Variants in ANKFY1 observed in about 807,000 individuals in gnomAD.
The protein encoded by ANKFY1 is ankyrin repeat and FYVE domain containing 1.
A neutral mutation model predicts 128.3 loss-of-function variants in ANKFY1; 47 were observed. The observed-to-expected ratio is 0.37, with a 90% CI of 0.29 to 0.47. ANKFY1 has a LOEUF of 0.47. ANKFY1 is among the 20% of genes least tolerant of loss of function. ANKFY1 has a pLI of 1.00. For missense variants in ANKFY1, 1,222 were observed against 1,510.6 expected (o/e 0.81, Z 3.17); for synonymous variants, 553 against 601.6 (o/e 0.92, Z 1.18).
chr17:4,172,523 T>G (rs755265255), intron 22 of ANKFY1, 33 bp downstream of exon 22: 1 of 1,599,076 alleles, frequency 6.3e-7, no homozygotes, highest in Non-Finnish European at 8.5e-7. Flanking sequence ...GGTGCGCAAG[T>G]GAGACGGGAC....
intron 11 of ANKFY1, among the ~76,000 whole-genome samples, chr17:4,185,345 A>G (rs1003473838): frequency 3.9e-5 from 6 of 152,090 alleles, no homozygotes; most frequent in Admixed American, 6.6e-5. Flanking sequence ...AGCTGGGATT[A>G]CAGGCACGCA....
chr17:4,256,900 T>C (rs372007255), intron 1 of ANKFY1, among the ~76,000 whole-genome samples: 2 of 152,198 alleles, frequency 1.3e-5, no homozygotes, highest in Non-Finnish European at 2.9e-5. Flanking sequence ...TCACCGTGTA[T>C]AGCAGTGACA....
chr17:4,198,026 G>C lies in ANKFY1; in HGVS notation c.899-449C>G, dbSNP rs185928678. ...CGCCTGTAATCCCAGCTACTTGGGA[G>C]GCTGAGGCACGAGATTCGCTTGAAC... On this transcript the variant is annotated intron_variant, in intron 7 of 24. Coordinates refer to ENST00000341657, the MANE Select transcript of ANKFY1 (RefSeq NM_001330063.2). Among the ~76,000 whole-genome samples the C allele has an allele frequency of 2.2e-4, 33 of 152,202 alleles. 1 individual carries two copies. The East Asian group carries it at 4.1e-3, about 19-fold the overall frequency.
intron 2 of ANKFY1, among the ~76,000 whole-genome samples, chr17:4,238,684 G>C (rs898881153): frequency 1.3e-5 from 2 of 151,856 alleles, no homozygotes; most frequent in Non-Finnish European, 2.9e-5. Flanking sequence ...GTGTTGGTCA[G>C]GCTAGTCTCG....
In ANKFY1 at chr17:4,242,354, A is replaced by G; in HGVS notation, c.105T>C (p.Ala35=). The G allele has an allele frequency of 1.2e-6, 2 of 1,603,350 alleles. No homozygotes were observed. The highest frequency in any genetic ancestry group is 2.2e-5 in the South Asian group (2 of 89,332). The change falls in exon 2 of 25, where the codon GCT becomes GCC. Residue 35 remains alanine (A), a synonymous_variant. Transcript: ENST00000341657. ...CCTTGTTTGCCTGCGCAGCCAAGAG[A>G]GCGCAGCGCTTCTCTGTCTCCGCCA... ...KKLAETEKRC[A]LLAAQANKES...
Position 4,167,855 on chromosome 17 carries a change from A to C in ANKFY1, c.3434T>G (p.Ile1145Arg), listed in dbSNP as rs200588304. 7.4e-6 allele frequency: 12 copies of C among 1,613,984 alleles called. No individual in the cohort carries two copies. Among genetic ancestry groups the C allele is most frequent in the Non-Finnish European group, 1.0e-5 (12 of 1,179,984 alleles). ...CACAGGCTTGTTCAGATCAAACTTT[A>C]TAATAGGAATCTCCTTGGTCGAGCA... ...HKCSTKEIPI[I>R]KFDLNKPVRV... The change falls in exon 25 of 25, where the codon ATA becomes AGA. Residue 1145 changes from isoleucine (I) to arginine (R), a missense_variant. Ile to Arg is a moderately conservative substitution (Grantham distance 97). Transcript: ENST00000341657. The surrounding 1 kb of genome is among the most constrained non-coding windows in gnomAD (Gnocchi z 4.1).
At chr17:4,234,717 AG>A (rs1966862238) in intron 3 of ANKFY1, among the ~76,000 whole-genome samples, 1 of 152,144 alleles carries the variant, frequency 6.6e-6, no homozygotes, top group South Asian at 2.1e-4. Flanking sequence ...GGGTCTTCCC[AG>A]GCTAGTCTTG....
At chr17:4,198,156 T>C (rs1315663867) in intron 7 of ANKFY1, among the ~76,000 whole-genome samples, 1 of 151,236 alleles carries the variant, frequency 6.6e-6, no homozygotes, top group Non-Finnish European at 1.5e-5. Flanking sequence ...ACACTAGGCT[T>C]CTACTCTTCA....
chr17:4,204,029 T>A (rs898107743), intron 7 of ANKFY1, among the ~76,000 whole-genome samples: 2 of 152,132 alleles, frequency 1.3e-5, no homozygotes, highest in African/African-American at 4.8e-5. Context: ...ACTGCCTGCC[T>A]GTTCCACTCT....
chr17:4,234,845 A>G (rs931143132), intron 3 of ANKFY1, among the ~76,000 whole-genome samples: 2 of 152,170 alleles, frequency 1.3e-5, no homozygotes, highest in African/African-American at 4.8e-5. Flanking sequence ...TGTATTGTGT[A>G]TATTTAAGCT....
Position 4,179,792 on chromosome 17 carries a change from A to G in ANKFY1, c.2326T>C (p.Leu776=). The G allele has an allele frequency of 6.2e-7, 1 of 1,614,218 alleles. No individual in the cohort carries two copies. The stretch of plus-strand genomic sequence containing the variant: ...TCTTCCAGCCCCCAAGAGGCTGCCA[A>G]ATGCAAAGGGGTCTGCCCATCTCTA... ...EARDGQTPLH[L]AASWGLEETV... Residue 776 remains leucine, a synonymous_variant, in exon 17 of 25, where the codon TTG becomes CTG. Coordinates refer to ENST00000341657, the MANE Select transcript of ANKFY1 (RefSeq NM_001330063.2).
chr17:4,194,086 C>CATATATATAT (rs200667678), intron 10 of ANKFY1, among the ~76,000 whole-genome samples: 12 of 46,494 alleles, frequency 2.6e-4, no homozygotes, highest in African/African-American at 5.6e-4. Flanking sequence ...CACGCCCGGC[C>CATATATATAT]ATATATATAT....
rs1262834312 is a variant in ANKFY1 at position 4,164,250 on chromosome 17, A to C, written c.*3529T>G. On this transcript the variant is annotated 3_prime_UTR_variant, in exon 25 of 25. Coordinates refer to ENST00000341657, the MANE Select transcript of ANKFY1 (RefSeq NM_001330063.2). ...CTAGCTGCAGAAAACCAATGTTGTC[A>C]GTTGTAACAGGTTAATATATTATTT... 1 of 152,724 alleles carries C rather than the reference A, an allele frequency of 6.5e-6. No individual in the cohort carries two copies. The highest frequency in any genetic ancestry group is 2.4e-5 in the African/African-American group (1 of 41,480). The allele number at this position is 152,724 out of a possible 1,614,324, so 9.5% of individuals were successfully genotyped here.
At chr17:4,200,046 A>T (rs570203940) in intron 7 of ANKFY1, among the ~76,000 whole-genome samples, 1 of 148,264 alleles carries the variant, frequency 6.7e-6, no homozygotes, top group Non-Finnish European at 1.5e-5. Flanking sequence ...TCATATCGGG[A>T]AAGTTGGGTT....
At chr17:4,253,989 G>A (rs142988684) in intron 1 of ANKFY1, among the ~76,000 whole-genome samples, 3 of 152,240 alleles carry the variant, frequency 2.0e-5, no homozygotes, top group East Asian at 1.9e-4. Context: ...TATGCAGCAC[G>A]TAACTGTTCA....
intron 4 of ANKFY1, among the ~76,000 whole-genome samples, chr17:4,211,833 C>T (rs1000946134): frequency 6.6e-6 from 1 of 152,046 alleles, no homozygotes; most frequent in Non-Finnish European, 1.5e-5. Flanking sequence ...CTGCGGTGAA[C>T]CGTGATCGCA....
intron 2 of ANKFY1, among the ~76,000 whole-genome samples, chr17:4,240,627 G>C (rs897875224): frequency 2.6e-5 from 4 of 152,150 alleles, no homozygotes; most frequent in Non-Finnish European, 4.4e-5. Flanking sequence ...CCTGACCTCA[G>C]GTGATCCATC....
In ANKFY1 at chr17:4,164,620, G is replaced by A. The variant is rs746267914; in HGVS notation, c.*3159C>T. The A allele has an allele frequency of 1.3e-5, 2 of 152,262 alleles. No homozygotes were observed. Among genetic ancestry groups the A allele is most frequent in the African/African-American group, 4.8e-5 (2 of 41,474 alleles). The allele number at this position is 152,262 out of a possible 1,614,324, so 9.4% of individuals were successfully genotyped here. On this transcript the variant is annotated 3_prime_UTR_variant, in exon 25 of 25. Transcript: ENST00000341657. ...GCCTTTCAGGGTGAAGCATTACATAGTTCAAAAGTGTTCTTTTTCTCCAGA... is the reference window on the plus strand; with the variant it reads ...GCCTTTCAGGGTGAAGCATTACATAATTCAAAAGTGTTCTTTTTCTCCAGA...
At position 4,189,316 on chromosome 17, in the gene ANKFY1, A is replaced by T; in HGVS notation, c.1470+66T>A. The T allele has an allele frequency of 2.9e-6, 4 of 1,373,100 alleles. No individual in the cohort carries two copies. The Admixed American group carries it at 8.6e-5, about 30-fold the overall frequency. 85.1% of individuals were successfully genotyped at this position (1,373,100 alleles called of 1,614,324 possible). ...AACCACCTATTCCCCTTTTTCCTACATATCCACCACTGCCATTTCTTCCAT... is the reference window on the plus strand; with the variant it reads ...AACCACCTATTCCCCTTTTTCCTACTTATCCACCACTGCCATTTCTTCCAT... On this transcript the variant is annotated intron_variant, in intron 11 of 24. Coordinates refer to ENST00000341657, the MANE Select transcript of ANKFY1 (RefSeq NM_001330063.2).
Sources: allele counts gnomAD v4.1 joint callset (sites outside exome capture counted in the v4.1 genomes callset), GRCh38; gene constraint gnomAD v4.1.1; non-coding constraint Gnocchi (gnomAD v3.1); transcripts MANE v1.5; gene names NCBI Gene and HGNC (gene_info 2026-07-23, HGNC 2026-07-21).